Variants in ABTB2 observed in about 807,000 individuals in gnomAD.
ABTB2 encodes the protein ankyrin repeat and BTB domain containing 2.
Under a neutral mutation model 104.1 loss-of-function variants are expected in ABTB2, and 56 were observed. The observed-to-expected ratio is 0.54, with a 90% CI of 0.43 to 0.67. ABTB2 has a LOEUF of 0.67. Ranked by LOEUF, ABTB2 falls within the 30% of genes least tolerant of loss-of-function variation. The pLI is 0.00. For synonymous variants in ABTB2, 606 were observed against 608.2 expected, an observed-to-expected ratio of 1.00 and a Z score of 0.05; for missense variants, 1,279 against 1,407.7, an observed-to-expected ratio of 0.91 and a Z score of 1.46.
At chr11:34,224,447 G>C (rs1325449958) in intron 1 of ABTB2, among the ~76,000 whole-genome samples, 1 of 152,110 alleles carries the variant, frequency 6.6e-6, no homozygotes, top group Non-Finnish European at 1.5e-5. Context: ...TCTGGATACT[G>C]CAATGCTGAT....
At chr11:34,330,023 T>C (rs1437746578) in intron 1 of ABTB2, among the ~76,000 whole-genome samples, 1 of 152,216 alleles carries the variant, frequency 6.6e-6, no homozygotes, top group Non-Finnish European at 1.5e-5. Flanking sequence ...ACCAAGTGGT[T>C]GCTGGCTGGG....
chr11:34,160,663 G>A (rs1254615635), intron 11 of ABTB2, among the ~76,000 whole-genome samples: 3 of 114,000 alleles, frequency 2.6e-5, no homozygotes, highest in East Asian at 3.1e-4. Context: ...GCGTGCACGC[G>A]CGCGCGTGTG....
intron 1 of ABTB2, among the ~76,000 whole-genome samples, chr11:34,301,124 C>T (rs768611738): frequency 5.3e-5 from 8 of 152,124 alleles, no homozygotes; most frequent in Non-Finnish European, 1.2e-4. Context: ...GCCTTCCAGC[C>T]CCAAAGCTGT....
intron 3 of ABTB2, among the ~76,000 whole-genome samples, chr11:34,178,150 C>T (rs1852978904): frequency 6.6e-6 from 1 of 151,914 alleles, no homozygotes; most frequent in Non-Finnish European, 1.5e-5. Flanking sequence ...TAGCCCTCTG[C>T]CTCTTTCAAT....
At chr11:34,298,425 T>A (rs573457223) in intron 1 of ABTB2, among the ~76,000 whole-genome samples, 346 of 150,958 alleles carry the variant, frequency 2.3e-3, no homozygotes, top group Non-Finnish European at 3.3e-3. Context: ...TTTTTTTTTT[T>A]AAACCAATTA....
intron 4 of ABTB2, among the ~76,000 whole-genome samples, chr11:34,171,686 AG>A (rs1482596560): frequency 6.6e-6 from 1 of 152,168 alleles, no homozygotes; most frequent in Non-Finnish European, 1.5e-5. Context: ...TGCCCCAAGC[AG>A]GAAGCAGCTC....
At chr11:34,228,805 T>C (rs1213962512) in intron 1 of ABTB2, among the ~76,000 whole-genome samples, 1 of 152,142 alleles carries the variant, frequency 6.6e-6, no homozygotes, top group African/African-American at 2.4e-5. Flanking sequence ...ATCTGTCTGT[T>C]TGGTTATAGT....
At chr11:34,159,661 CTAA>C (rs1371972122) in intron 13 of ABTB2, among the ~76,000 whole-genome samples, 2 of 152,192 alleles carry the variant, frequency 1.3e-5, no homozygotes, top group Admixed American at 6.5e-5. Flanking sequence ...TTTATGTTTT[CTAA>C]TAATAAAAGC....
intron 1 of ABTB2, among the ~76,000 whole-genome samples, chr11:34,288,624 G>C (rs981645271): frequency 6.6e-6 from 1 of 152,062 alleles, no homozygotes; most frequent in Non-Finnish European, 1.5e-5. Flanking sequence ...CCAGGAGGAG[G>C]GTAGGGGCGG....
chr11:34,342,256 C>T (rs553610356), intron 1 of ABTB2, among the ~76,000 whole-genome samples: 1 of 152,334 alleles, frequency 6.6e-6, no homozygotes, highest in South Asian at 2.1e-4. Context: ...AAACAAATAC[C>T]TACCCCACAG....
Position 34,159,823 on chromosome 11 carries a change from C to T in ABTB2, c.2606+83G>A, listed in dbSNP as rs868740404. ...CAGAGGCTGCAGGGTACAGCCCCAG[C>T]GAGTCACTCTCTGTCACCTGGAATC... On this transcript the variant is annotated intron_variant, in intron 13 of 16. Transcript: ENST00000435224. The T allele has an allele frequency of 3.1e-5, 34 of 1,112,472 alleles. No homozygotes were observed. The Middle Eastern group carries it at 2.4e-3, about 79-fold the overall frequency. The allele number at this position is 1,112,472 out of a possible 1,614,324, so 68.9% of individuals were successfully genotyped here.
Position 34,357,920 on chromosome 11 carries a change from C to T in ABTB2, c.-337G>A. 1 of 255,354 alleles carries T rather than the reference C, an allele frequency of 3.9e-6. No homozygotes were observed. The highest frequency in any genetic ancestry group is 7.4e-6 in the Non-Finnish European group (1 of 135,970). 15.8% of individuals were successfully genotyped at this position (255,354 alleles called of 1,614,324 possible). A position where few individuals can be genotyped will look rare whatever the true frequency, so the allele number is the denominator to read the frequency against. On this transcript the variant is annotated 5_prime_UTR_variant, in exon 1 of 17. Transcript: ENST00000435224. ...AAGGAATCCCGGGAGAACAGGGCGG[C>T]GGCGGCAGAAGGAGGAGGCGGCGGC... is the stretch of plus-strand genomic sequence containing the variant.
intron 1 of ABTB2, among the ~76,000 whole-genome samples, chr11:34,294,990 A>G (rs1275999155): frequency 2.6e-5 from 4 of 151,110 alleles, no homozygotes; most frequent in Admixed American, 2.0e-4. Flanking sequence ...TTGGGATTAC[A>G]GGCATGAGCC....
rs777532825 is a variant in ABTB2 at position 34,168,090 on chromosome 11, C to T, written c.1564-98G>A. The T allele has an allele frequency of 5.0e-5, 61 of 1,230,378 alleles. 1 individual carries two copies. The highest frequency in any genetic ancestry group is 4.7e-4 in the Admixed American group (24 of 50,836). The allele number at this position is 1,230,378 out of a possible 1,614,324, so 76.2% of individuals were successfully genotyped here. On this transcript the variant is annotated intron_variant, in intron 5 of 16. Transcript: ENST00000435224. ...CCCAGAAACCACAGATCGGGCACCC[C>T]GCCACCCCAGCCGAGCATCCTGTGG...
chr11:34,270,431 C>G (rs1854300905), intron 1 of ABTB2, among the ~76,000 whole-genome samples: 1 of 151,332 alleles, frequency 6.6e-6, no homozygotes, highest in South Asian at 2.1e-4. Context: ...CCTCCGCCTG[C>G]TGGGTTCAAA....
intron 1 of ABTB2, among the ~76,000 whole-genome samples, chr11:34,311,105 C>T (rs867668336): frequency 6.5e-4 from 99 of 152,102 alleles, no homozygotes; most frequent in African/African-American, 2.3e-3. Context: ...GGAGAAGAGG[C>T]GGCTCCTCAG....
At chr11:34,172,954 C>T (rs1852904499) in intron 4 of ABTB2, among the ~76,000 whole-genome samples, 1 of 152,216 alleles carries the variant, frequency 6.6e-6, no homozygotes, top group Non-Finnish European at 1.5e-5. Flanking sequence ...GAGACGTTTC[C>T]AGACAGCAGC....
chr11:34,224,869 T>A (rs951108590), intron 1 of ABTB2, among the ~76,000 whole-genome samples: 3 of 152,196 alleles, frequency 2.0e-5, no homozygotes, highest in Non-Finnish European at 4.4e-5. Flanking sequence ...TAATCTTTTT[T>A]AACGAGGCTT....
intron 1 of ABTB2, among the ~76,000 whole-genome samples, chr11:34,236,076 C>T (rs571700179): frequency 6.6e-6 from 1 of 151,978 alleles, no homozygotes; most frequent in Non-Finnish European, 1.5e-5. Context: ...TGGGTACACC[C>T]CTGCAAGGAA....
Sources: allele counts gnomAD v4.1 joint callset (sites outside exome capture counted in the v4.1 genomes callset), GRCh38; gene constraint gnomAD v4.1.1; transcripts MANE v1.5; gene names NCBI Gene and HGNC (gene_info 2026-07-23, HGNC 2026-07-21).